Variants in CNTNAP3 observed in about 807,000 individuals in gnomAD.
The protein encoded by CNTNAP3 is contactin-associated protein-like 3.
CNTNAP3 carries 36 observed loss-of-function variants against 92.1 expected under a neutral mutation model. That is an observed-to-expected ratio of 0.39 (90% CI 0.30 to 0.52). The LOEUF (loss-of-function observed/expected upper bound fraction) is 0.52. CNTNAP3 is among the 20% of genes least tolerant of loss of function. The pLI is 0.76. For synonymous variants in CNTNAP3, 232 were observed against 422.3 expected (o/e 0.55, Z 5.53); for missense variants, 534 against 1,069.6 (o/e 0.50, Z 6.98).
chr9:39,074,625 A>G (rs1396584237), intron 23 of CNTNAP3, among the ~76,000 whole-genome samples: 2 of 152,068 alleles, frequency 1.3e-5, no homozygotes, highest in African/African-American at 4.8e-5. Context: ...GACCGCGTAC[A>G]TCCTTCAGTT....
intron 11 of CNTNAP3, among the ~76,000 whole-genome samples, chr9:39,141,700 G>A (rs1172117588): frequency 6.6e-6 from 1 of 152,042 alleles, no homozygotes; most frequent in African/African-American, 2.4e-5. Flanking sequence ...ATTTGTATAT[G>A]TCTGGTAGGA....
chr9:39,175,207 C>T (rs1464813156), intron 7 of CNTNAP3, among the ~76,000 whole-genome samples: 2 of 110,408 alleles, frequency 1.8e-5, no homozygotes, highest in East Asian at 5.1e-4. Flanking sequence ...CATCTCAAAA[C>T]AAAAACAAAA....
At position 39,071,807 on chromosome 9, in the gene CNTNAP3, G is replaced by T. The variant is rs1367711421; in HGVS notation, c.*2083C>A. On this transcript the variant is annotated 3_prime_UTR_variant, in exon 24 of 24. Coordinates refer to ENST00000297668, the MANE Select transcript of CNTNAP3 (RefSeq NM_033655.5). Reference sequence around the variant, plus strand: ...GCACTTTGCATTTAATAATTTAAAAGGAAAAATTTAACAGATGATAAATAT... The same window carrying T: ...GCACTTTGCATTTAATAATTTAAAATGAAAAATTTAACAGATGATAAATAT... Among the ~76,000 whole-genome samples the T allele has an allele frequency of 7.5e-6, 1 of 132,692 alleles. No homozygotes were observed. The highest frequency in any genetic ancestry group is 1.6e-5 in the Non-Finnish European group (1 of 63,556). 87.1% of individuals were successfully genotyped at this position (132,692 alleles called of 152,430 possible). A position where few individuals can be genotyped will look rare whatever the true frequency, so the allele number is the denominator to read the frequency against.
At chr9:39,141,646 A>G (rs1821577164) in intron 11 of CNTNAP3, among the ~76,000 whole-genome samples, 1 of 152,070 alleles carries the variant, frequency 6.6e-6, no homozygotes, top group South Asian at 2.1e-4. Context: ...GCTAATCTTT[A>G]TTTTTTTGCC....
At chr9:39,105,556 C>G (rs1398220024) in intron 15 of CNTNAP3, among the ~76,000 whole-genome samples, 103 of 152,110 alleles carry the variant, frequency 6.8e-4, no homozygotes, top group Admixed American at 6.6e-3. Context: ...ATGGTTTATA[C>G]TCTATAACTT....
intron 13 of CNTNAP3, among the ~76,000 whole-genome samples, chr9:39,126,197 C>G (rs947061326): frequency 5.9e-5 from 9 of 152,076 alleles, no homozygotes; most frequent in African/African-American, 2.2e-4. Context: ...AGAAAGAGAG[C>G]TGAAATATCC....
chr9:39,081,220 T>C (rs533976753), intron 21 of CNTNAP3, among the ~76,000 whole-genome samples: 38 of 150,968 alleles, frequency 2.5e-4, no homozygotes, highest in Admixed American at 2.3e-3. Context: ...CTACTATTTA[T>C]TGTTTATCAG....
chr9:39,110,737 A>T (rs1368119287), intron 14 of CNTNAP3, among the ~76,000 whole-genome samples: 1 of 152,208 alleles, frequency 6.6e-6, no homozygotes, highest in African/African-American at 2.4e-5. Flanking sequence ...CTGTATATGT[A>T]ATAAATATTT....
At chr9:39,098,803 C>T (rs1248776478) in intron 18 of CNTNAP3, among the ~76,000 whole-genome samples, 6 of 151,998 alleles carry the variant, frequency 3.9e-5, no homozygotes, top group Non-Finnish European at 7.4e-5. Flanking sequence ...TGATTAAAGC[C>T]TGTTTTGCTG....
At chr9:39,092,738 C>A (rs1357109416) in intron 18 of CNTNAP3, among the ~76,000 whole-genome samples, 1 of 135,886 alleles carries the variant, frequency 7.4e-6, no homozygotes, top group South Asian at 2.5e-4. Context: ...AGAATGATTG[C>A]GTTTTTATTT....
intron 13 of CNTNAP3, among the ~76,000 whole-genome samples, chr9:39,119,527 C>A (rs1468476133): frequency 6.6e-6 from 1 of 152,058 alleles, no homozygotes; most frequent in African/African-American, 2.4e-5. Context: ...ATTAAACTGT[C>A]GCAGATTAAA....
intron 23 of CNTNAP3, among the ~76,000 whole-genome samples, chr9:39,076,873 C>A (rs1414141995): frequency 6.6e-6 from 1 of 152,294 alleles, no homozygotes; most frequent in African/African-American, 2.4e-5. Flanking sequence ...GCTGCTGAGG[C>A]AGGAGAATGG....
At chr9:39,143,499 G>C (rs535946583) in intron 11 of CNTNAP3, among the ~76,000 whole-genome samples, 7 of 152,166 alleles carry the variant, frequency 4.6e-5, no homozygotes, top group African/African-American at 1.7e-4. Flanking sequence ...AACTAGCTGG[G>C]GGCCAAGTTA....
chr9:39,107,026 T>C (rs1826621051), intron 15 of CNTNAP3, among the ~76,000 whole-genome samples: 1 of 152,078 alleles, frequency 6.6e-6, no homozygotes, highest in Non-Finnish European at 1.5e-5. Context: ...AGTCCTGCTA[T>C]TGCAGTTCAG....
At chr9:39,132,558 C>G (rs1821318290) in intron 13 of CNTNAP3, among the ~76,000 whole-genome samples, 1 of 152,014 alleles carries the variant, frequency 6.6e-6, no homozygotes, top group African/African-American at 2.4e-5. Context: ...AAGACTTTGA[C>G]CAGAGTAAGG....
intron 23 of CNTNAP3, among the ~76,000 whole-genome samples, chr9:39,074,337 A>G (rs1825699350): frequency 6.6e-6 from 1 of 151,076 alleles, no homozygotes; most frequent in Non-Finnish European, 1.5e-5. Context: ...CCTCAATGTC[A>G]GAGTATAAAT....
intron 12 of CNTNAP3, among the ~76,000 whole-genome samples, chr9:39,139,391 CTG>C (rs1468555195): frequency 1.3e-5 from 2 of 152,192 alleles, no homozygotes; most frequent in Non-Finnish European, 2.9e-5. Flanking sequence ...GGCAGAACGC[CTG>C]TGTTTCTTTA....
intron 14 of CNTNAP3, among the ~76,000 whole-genome samples, chr9:39,113,397 AT>A (rs1422105993): frequency 3.3e-5 from 5 of 152,106 alleles, no homozygotes; most frequent in Non-Finnish European, 5.9e-5. Context: ...TGCAAATAAA[AT>A]TTTTCTAGGT....
intron 18 of CNTNAP3, among the ~76,000 whole-genome samples, chr9:39,089,732 T>C (rs953874916): frequency 6.6e-6 from 1 of 152,174 alleles, no homozygotes; most frequent in Non-Finnish European, 1.5e-5. Context: ...TTTATTATTA[T>C]CTTTCTTTTA....
Sources: allele counts gnomAD v4.1 joint callset (sites outside exome capture counted in the v4.1 genomes callset), GRCh38; gene constraint gnomAD v4.1.1; transcripts MANE v1.5; gene names NCBI Gene and HGNC (gene_info 2026-07-23, HGNC 2026-07-21).